The following GRIN3A variants were observed in gnomAD, a reference collection of about 807,000 sequenced individuals.
GRIN3A encodes the protein glutamate receptor ionotropic, NMDA 3A.
GRIN3A carries 47 observed loss-of-function variants against 92.4 expected under a neutral mutation model. That is an observed-to-expected ratio of 0.51 (90% CI 0.40 to 0.65). The LOEUF (loss-of-function observed/expected upper bound fraction) is 0.65, where lower values mean the gene tolerates loss of function less well. Ranked by LOEUF, GRIN3A falls within the 30% of genes least tolerant of loss-of-function variation. The pLI is 0.00. For synonymous variants in GRIN3A, 527 were observed against 540.6 expected, an observed-to-expected ratio of 0.97 and a Z score of 0.35; for missense variants, 1,324 against 1,393.1, an observed-to-expected ratio of 0.95 and a Z score of 0.79.
At chr9:101,726,260 A>G (rs1830081305) in intron 1 of GRIN3A, among the ~76,000 whole-genome samples, 1 of 152,220 alleles carries the variant, frequency 6.6e-6, no homozygotes, top group Admixed American at 6.5e-5. Context: ...GTAAAGTCAT[A>G]TAGAGTCAGG....
rs1828251426 is a variant in GRIN3A, at chr9:101,604,500, T to G, written c.2766+8876A>C. Among the ~76,000 whole-genome samples the G allele has an allele frequency of 2.0e-5, 3 of 152,216 alleles. No individual in the cohort carries two copies. The South Asian group carries it at 6.2e-4, about 31-fold the overall frequency. On this transcript the variant is annotated intron_variant, in intron 6 of 8. Transcript: ENST00000361820. ...ATATTAAACTTAATTACTTAGGCTA[T>G]TCTAAGGAAAGCACTCAGCTGTCAA...
chr9:101,593,816 AC>A (rs927379925), intron 6 of GRIN3A: 13 of 152,380 alleles, frequency 8.5e-5, no homozygotes, highest in African/African-American at 2.9e-4. Flanking sequence ...ATGAACTCCT[AC>A]CCCTCAAACA....
At chr9:101,667,686 G>A (rs1829259172) in intron 3 of GRIN3A, among the ~76,000 whole-genome samples, 1 of 152,004 alleles carries the variant, frequency 6.6e-6, no homozygotes, top group Non-Finnish European at 1.5e-5. Context: ...TATAATAAGA[G>A]TACATTCTGA....
intron 2 of GRIN3A, among the ~76,000 whole-genome samples, chr9:101,674,926 T>C (rs986903905): frequency 1.1e-4 from 17 of 151,992 alleles, no homozygotes; most frequent in Non-Finnish European, 1.9e-4. Flanking sequence ...TTTTATGACA[T>C]TGGATTTTAT....
chr9:101,594,547 C>T (rs868129282), intron 6 of GRIN3A: 3 of 1,614,014 alleles, frequency 1.9e-6, no homozygotes, highest in South Asian at 2.2e-5. Flanking sequence ...GCTGCCAGTC[C>T]GTCAGGTTGT....
At chr9:101,625,714 T>G (rs1435874296) in intron 4 of GRIN3A, among the ~76,000 whole-genome samples, 5 of 152,150 alleles carry the variant, frequency 3.3e-5, no homozygotes, top group Admixed American at 2.0e-4. Flanking sequence ...CTCCTAGAAG[T>G]TGATAAGGAA....
chr9:101,640,168 C>T (rs1828836940), intron 3 of GRIN3A, among the ~76,000 whole-genome samples: 1 of 152,180 alleles, frequency 6.6e-6, no homozygotes, highest in South Asian at 2.1e-4. Context: ...AGTATAAAGC[C>T]TGTAGCTTTC....
At chr9:101,715,652 C>T (rs953847487) in intron 1 of GRIN3A, among the ~76,000 whole-genome samples, 2 of 151,990 alleles carry the variant, frequency 1.3e-5, no homozygotes, top group Non-Finnish European at 2.9e-5. Context: ...TCTGTGGAGA[C>T]TCATAAAAGT....
intron 6 of GRIN3A, among the ~76,000 whole-genome samples, chr9:101,606,376 G>C (rs893172788): frequency 6.6e-6 from 1 of 152,082 alleles, no homozygotes; most frequent in East Asian, 1.9e-4. Flanking sequence ...CCAAACTCAG[G>C]TATTTATTCC....
At chr9:101,729,549 T>G (rs543149286) in intron 1 of GRIN3A, among the ~76,000 whole-genome samples, 3 of 152,166 alleles carry the variant, frequency 2.0e-5, no homozygotes, top group Non-Finnish European at 4.4e-5. Context: ...GCCTCCTTCT[T>G]ATAAGAATCC....
intron 6 of GRIN3A, among the ~76,000 whole-genome samples, chr9:101,599,432 T>C (rs1315939952): frequency 2.0e-5 from 3 of 152,320 alleles, no homozygotes; most frequent in South Asian, 4.1e-4. Flanking sequence ...TCATAAACTA[T>C]GTAGCTCAGC....
At chr9:101,636,567 C>G (rs554859644) in intron 3 of GRIN3A, among the ~76,000 whole-genome samples, 1 of 152,282 alleles carries the variant, frequency 6.6e-6, no homozygotes, top group South Asian at 2.1e-4. Context: ...CTATTAATCT[C>G]TAGTTTACTT....
At chr9:101,663,660 C>T (rs1241508683) in intron 3 of GRIN3A, among the ~76,000 whole-genome samples, 1 of 150,998 alleles carries the variant, frequency 6.6e-6, no homozygotes, top group Non-Finnish European at 1.5e-5. Context: ...AAATGCTTCT[C>T]ATTTCCTACT....
chr9:101,644,226 A>T lies in GRIN3A; in HGVS notation c.2353-15825T>A, dbSNP rs567586334. ...AAATCAACTCTTCATTTTTCTTTTC[A>T]TCATTTTCCGATAATTTTCAGATAA... On this transcript the variant is annotated intron_variant, in intron 3 of 8. Coordinates refer to ENST00000361820, the MANE Select transcript of GRIN3A (RefSeq NM_133445.3). 2.6e-5 allele frequency among the ~76,000 whole-genome samples: 4 copies of T among 152,038 alleles called. No homozygotes were observed. In the East Asian group the frequency reaches 7.7e-4, roughly 29 times the overall value.
Position 101,594,092 on chromosome 9 carries a change from T to C in GRIN3A, c.2767-14732A>G, listed in dbSNP as rs1466292645. On this transcript the variant is annotated intron_variant, in intron 6 of 8. Coordinates refer to ENST00000361820, the MANE Select transcript of GRIN3A (RefSeq NM_133445.3). ...GAAATAACAGCAAAAATGTATACTTTCTTATTTTTGAACTTTTAAAGTTCT... is the reference window on the plus strand; with the variant it reads ...GAAATAACAGCAAAAATGTATACTTCCTTATTTTTGAACTTTTAAAGTTCT... 9 of 268,552 alleles carry C rather than the reference T, an allele frequency of 3.4e-5. No homozygotes were observed. The Admixed American group carries it at 3.8e-4, about 11-fold the overall frequency. The allele number at this position is 268,552 out of a possible 1,614,324, so 16.6% of individuals were successfully genotyped here.
intron 2 of GRIN3A, among the ~76,000 whole-genome samples, chr9:101,678,488 C>A (rs1306535951): frequency 6.6e-6 from 1 of 152,070 alleles, no homozygotes; most frequent in Non-Finnish European, 1.5e-5. Flanking sequence ...GCATACAAGG[C>A]TCATCTTTTA....
intron 2 of GRIN3A, among the ~76,000 whole-genome samples, chr9:101,684,328 G>A (rs545353288): frequency 1.3e-4 from 17 of 132,052 alleles, no homozygotes; most frequent in African/African-American, 5.0e-4. Flanking sequence ...TGGCCAGGAT[G>A]GTCTGATCTC....
At position 101,670,290 on chromosome 9, in the gene GRIN3A, G is replaced by T; in HGVS notation, c.2122C>A (p.Arg708=). The change falls in exon 3 of 9, where the codon CGA becomes AGA. Residue 708 remains arginine, a synonymous_variant. Transcript: ENST00000361820. The part of the protein sequence containing the change: ...KSPFGLTPKG[R]NRSKVFSFSS... ...AAGGAGAAGACTTTACTTCTATTTC[G>T]CCCCTTGGGAGTCAAACCAAATGGA... The T allele has an allele frequency of 6.2e-7, 1 of 1,613,990 alleles. No individual in the cohort carries two copies. The highest frequency in any genetic ancestry group is 8.5e-7 in the Non-Finnish European group (1 of 1,179,952).
At chr9:101,703,368 T>A (rs548284250) in intron 1 of GRIN3A, among the ~76,000 whole-genome samples, 1 of 152,318 alleles carries the variant, frequency 6.6e-6, no homozygotes. Flanking sequence ...ACTATGCGGC[T>A]GATTCTTTCT....
Sources: allele counts gnomAD v4.1 joint callset (sites outside exome capture counted in the v4.1 genomes callset), GRCh38; gene constraint gnomAD v4.1.1; transcripts MANE v1.5; gene names NCBI Gene and HGNC (gene_info 2026-07-23, HGNC 2026-07-21).